RSRC1: variants seen among roughly 807,000 people sequenced by gnomAD.
The protein encoded by RSRC1 is arginine and serine rich coiled-coil 1, also known as serine/Arginine-related protein 53.
Under a neutral mutation model 49.1 loss-of-function variants are expected in RSRC1, and 39 were observed. The ratio of observed to expected loss-of-function variants is 0.79; its 90% CI spans 0.61 to 1.04. RSRC1 has a LOEUF of 1.04. Among genes scored for constraint, RSRC1 ranks in the 50% least tolerant of loss-of-function variants. The pLI, the probability that RSRC1 is intolerant of heterozygous loss-of-function variation, is 0.00. For synonymous variants in RSRC1, 143 were observed against 130.8 expected (o/e 1.09, Z -0.63); for missense variants, 388 against 402.4 (o/e 0.96, Z 0.31).
intron 8 of RSRC1, 77 bp from the exon 9 acceptor site, chr3:158,543,258 T>C: frequency 1.5e-6 from 2 of 1,301,204 alleles, no homozygotes; most frequent in Non-Finnish European, 2.0e-6. Flanking sequence ...ACAGTTGTTA[T>C]TCAAAATCAG....
At chr3:158,191,194 T>TA (rs894813950) in intron 3 of RSRC1, among the ~76,000 whole-genome samples, 8 of 151,822 alleles carry the variant, frequency 5.3e-5, no homozygotes, top group Admixed American at 1.3e-4. Flanking sequence ...TGTAGGTCAT[T>TA]AAAAAAAATT....
At chr3:158,487,362 T>C (rs971147646) in intron 7 of RSRC1, among the ~76,000 whole-genome samples, 34 of 152,346 alleles carry the variant, frequency 2.2e-4, no homozygotes, top group African/African-American at 7.7e-4. Context: ...ACTATACTTC[T>C]TTGATACCAT....
At chr3:158,242,519 G>T (rs951695253) in intron 4 of RSRC1, among the ~76,000 whole-genome samples, 37 of 152,122 alleles carry the variant, frequency 2.4e-4, no homozygotes, top group Non-Finnish European at 2.9e-5. Context: ...ACACACGTGT[G>T]CATGTATCTT....
At chr3:158,228,139 CTTATT>C (rs1334293423) in intron 4 of RSRC1, among the ~76,000 whole-genome samples, 3 of 151,956 alleles carry the variant, frequency 2.0e-5, no homozygotes, top group Non-Finnish European at 4.4e-5. Flanking sequence ...TAAGATGCTT[CTTATT>C]TTAGTGGATA....
chr3:158,186,797 T>G (rs889259788), intron 3 of RSRC1, among the ~76,000 whole-genome samples: 1 of 151,930 alleles, frequency 6.6e-6, no homozygotes, highest in African/African-American at 2.4e-5. Context: ...TTTTTTCCCC[T>G]TCTTCCCAAT....
At chr3:158,163,336 G>A (rs139652147) in intron 3 of RSRC1, among the ~76,000 whole-genome samples, 52 of 152,154 alleles carry the variant, frequency 3.4e-4, no homozygotes, top group African/African-American at 1.2e-3. Flanking sequence ...CTGATAGTGA[G>A]TTAATGTTTT....
At chr3:158,333,323 A>G (rs371579758) in intron 5 of RSRC1, among the ~76,000 whole-genome samples, 2 of 152,182 alleles carry the variant, frequency 1.3e-5, no homozygotes, top group Admixed American at 1.3e-4. Context: ...AGTTCTTCTG[A>G]CATCCAATTA....
chr3:158,375,274 G>A (rs1732301473), intron 6 of RSRC1, among the ~76,000 whole-genome samples: 1 of 151,230 alleles, frequency 6.6e-6, no homozygotes, highest in East Asian at 1.9e-4. Context: ...ATAGCTCACT[G>A]CAGCCTCGAC....
At chr3:158,259,067 G>C (rs1454015338) in intron 4 of RSRC1, among the ~76,000 whole-genome samples, 2 of 152,036 alleles carry the variant, frequency 1.3e-5, no homozygotes, top group Non-Finnish European at 2.9e-5. Context: ...ACCTTGTTGA[G>C]TTTCTTTGGT....
At chr3:158,367,211 G>A (rs1731815211) in intron 6 of RSRC1, among the ~76,000 whole-genome samples, 1 of 152,140 alleles carries the variant, frequency 6.6e-6, no homozygotes, top group African/African-American at 2.4e-5. Context: ...CTTGTCTCGT[G>A]CCGGTTTTCA....
At chr3:158,212,045 G>A (rs1721705942) in intron 4 of RSRC1, among the ~76,000 whole-genome samples, 1 of 151,800 alleles carries the variant, frequency 6.6e-6, no homozygotes, top group African/African-American at 2.4e-5. Context: ...TCAAGAGTGT[G>A]CTGAGTACCC....
chr3:158,294,559 G>T (rs1727128564), intron 4 of RSRC1, among the ~76,000 whole-genome samples: 1 of 151,494 alleles, frequency 6.6e-6, no homozygotes, highest in African/African-American at 2.4e-5. Flanking sequence ...TAGCTGCCTT[G>T]GATAGCAATT....
At chr3:158,275,614 AC>A (rs1488350324) in intron 4 of RSRC1, among the ~76,000 whole-genome samples, 3 of 152,220 alleles carry the variant, frequency 2.0e-5, no homozygotes, top group East Asian at 1.9e-4. Context: ...TAAAGCAAAG[AC>A]AAAAAAGTTT....
At chr3:158,356,480 G>A in intron 6 of RSRC1, among the ~76,000 whole-genome samples, 1 of 152,020 alleles carries the variant, frequency 6.6e-6, no homozygotes, top group East Asian at 1.9e-4. Flanking sequence ...CAATGTTTTA[G>A]TTTTGATGAA....
chr3:158,146,625 A>G (rs1409715488), intron 3 of RSRC1, among the ~76,000 whole-genome samples: 5 of 152,170 alleles, frequency 3.3e-5, no homozygotes, highest in Admixed American at 3.3e-4. Flanking sequence ...CTTTGGTATC[A>G]GGATGATGCT....
intron 8 of RSRC1, among the ~76,000 whole-genome samples, 169 bp downstream of exon 8, chr3:158,537,367 T>C (rs2108505598): frequency 6.6e-6 from 1 of 151,740 alleles, no homozygotes; most frequent in South Asian, 2.1e-4. Context: ...TCAGTCACTT[T>C]AATACAAGTT....
At chr3:158,154,599 G>A (rs2108216257) in intron 3 of RSRC1, among the ~76,000 whole-genome samples, 1 of 151,914 alleles carries the variant, frequency 6.6e-6, no homozygotes, top group South Asian at 2.1e-4. Flanking sequence ...TGAGTAGCTG[G>A]GACTACAGGC....
At chr3:158,531,157 G>A (rs1357620838) in intron 7 of RSRC1, among the ~76,000 whole-genome samples, 1 of 150,992 alleles carries the variant, frequency 6.6e-6, no homozygotes, top group Non-Finnish European at 1.5e-5. Context: ...CCTCTAGCTG[G>A]GGAGAAGAAG....
chr3:158,419,847 AAC>A (rs1430508789), intron 6 of RSRC1, among the ~76,000 whole-genome samples: 1 of 151,486 alleles, frequency 6.6e-6, no homozygotes, highest in East Asian at 1.9e-4. Context: ...AGGCTAATGC[AAC>A]ACACTCAAAG....
Sources: allele counts gnomAD v4.1 joint callset (sites outside exome capture counted in the v4.1 genomes callset), GRCh38; gene constraint gnomAD v4.1.1; transcripts MANE v1.5; gene names NCBI Gene and HGNC (gene_info 2026-07-23, HGNC 2026-07-21).